The following ANKRD30B variants were observed in gnomAD, a reference collection of about 807,000 sequenced individuals.
The protein encoded by ANKRD30B is ankyrin repeat domain-containing protein 30B.
In ANKRD30B, 144 loss-of-function variants were observed where a neutral mutation model predicts 202.2. The observed-to-expected ratio is 0.71, with a 90% CI of 0.62 to 0.82. ANKRD30B has a LOEUF of 0.82. Ranked by LOEUF, ANKRD30B falls within the 40% of genes least tolerant of loss-of-function variation. The pLI is 0.00. For missense variants in ANKRD30B, 1,487 were observed against 1,669.1 expected, an observed-to-expected ratio of 0.89 and a Z score of 1.90; for synonymous variants, 508 against 561.3, an observed-to-expected ratio of 0.91 and a Z score of 1.34.
chr18:14,824,756 C>A lies in ANKRD30B; in HGVS notation c.2743+2079C>A, dbSNP rs117786455. ...CATTCTGGTCATGGTATAAACCAGA[C>A]ATTGGCAAACTTTTCTTGTAAAGTG... is the stretch of plus-strand genomic sequence containing the variant. On this transcript the variant is annotated intron_variant, in intron 32 of 43. Transcript: ENST00000690538. Among the ~76,000 whole-genome samples the A allele has an allele frequency of 4.6e-3, 702 of 152,350 alleles. 27 individuals carry two copies. The East Asian group carries it at 0.094, about 20-fold the overall frequency.
chr18:14,928,406 G>A, the ANKRD30B span, among the ~76,000 whole-genome samples: 11 of 152,154 alleles, frequency 7.2e-5, no homozygotes, highest in Admixed American at 5.2e-4. Flanking sequence ...GCCGAATGAC[G>A]AAGATTGCCT....
chr18:14,923,215 G>T, the ANKRD30B span, among the ~76,000 whole-genome samples: 2 of 152,210 alleles, frequency 1.3e-5, no homozygotes, highest in African/African-American at 4.8e-5. Flanking sequence ...TCAGGTCTCT[G>T]ATTTCAGGCC....
At chr18:14,921,872 G>A in the ANKRD30B span, among the ~76,000 whole-genome samples, 79,395 of 151,500 alleles carry the variant, frequency 0.52, 21,087 homozygotes, top group African/African-American at 0.6. Context: ...GTGGATAAGG[G>A]AAAAAGGGGA....
chr18:14,892,883 AC>A, the ANKRD30B span, among the ~76,000 whole-genome samples: 22 of 151,944 alleles, frequency 1.4e-4, no homozygotes, highest in African/African-American at 5.1e-4. Flanking sequence ...ACACCACAGC[AC>A]TCCAGTCAGG....
chr18:14,782,556 A>T lies in ANKRD30B; in HGVS notation c.1512A>T (p.Gln504His), dbSNP rs760611544. ...TCTTTGAGAGTTCTGCAAAGACTCA[A>T]GTGTGTATACCTGAGTCTATGTATC... ...GSLFESSAKT[Q>H]VCIPESMYQK... is the part of the protein sequence containing the mutation. Residue 504 changes from glutamine to histidine, a missense_variant, in exon 12 of 44, where the codon CAA becomes CAT. Transcript: ENST00000690538. 2 of 1,591,334 alleles carry T rather than the reference A, an allele frequency of 1.3e-6. No homozygotes were observed. The highest frequency in any genetic ancestry group is 1.7e-6 in the Non-Finnish European group (2 of 1,172,698).
At chr18:14,764,337 T>C (rs185261947) in intron 7 of ANKRD30B, among the ~76,000 whole-genome samples, 2 of 152,304 alleles carry the variant, frequency 1.3e-5, no homozygotes, top group Non-Finnish European at 2.9e-5. Flanking sequence ...GAACCAAAGT[T>C]GTTTTGGTAG....
At chr18:14,758,428 T>C (rs1378441108) in intron 5 of ANKRD30B, among the ~76,000 whole-genome samples, 1 of 152,190 alleles carries the variant, frequency 6.6e-6, no homozygotes, top group Non-Finnish European at 1.5e-5. Context: ...TGCTGCGCCG[T>C]TGCCATTGAA....
the ANKRD30B span, chr18:14,905,596 C>A: frequency 6.6e-6 from 1 of 152,320 alleles, no homozygotes; most frequent in South Asian, 2.1e-4. Flanking sequence ...TGGTCAATGT[C>A]TCTTTTCAGA....
At chr18:14,868,508 G>T in the ANKRD30B span, among the ~76,000 whole-genome samples, 1 of 152,408 alleles carries the variant, frequency 6.6e-6, no homozygotes, top group South Asian at 2.1e-4. Context: ...ATCCCCCCAT[G>T]TAAGATAAAG....
intron 30 of ANKRD30B, among the ~76,000 whole-genome samples, chr18:14,818,314 C>T (rs184790260): frequency 1.2e-4 from 18 of 151,900 alleles, no homozygotes; most frequent in Admixed American, 3.3e-4. Flanking sequence ...TATAAAAATT[C>T]TCTGGAAATT....
intron 16 of ANKRD30B, among the ~76,000 whole-genome samples, chr18:14,792,216 G>T (rs1039476127): frequency 1.3e-5 from 2 of 152,170 alleles, no homozygotes; most frequent in Non-Finnish European, 2.9e-5. Flanking sequence ...TGATGCTATT[G>T]CTGGTGGTCC....
At chr18:14,910,868 C>G in the ANKRD30B span, among the ~76,000 whole-genome samples, 1 of 152,118 alleles carries the variant, frequency 6.6e-6, no homozygotes, top group Non-Finnish European at 1.5e-5. Flanking sequence ...TTGCATTTCT[C>G]TAATGATTAG....
Position 14,774,385 on chromosome 18 carries a change from C to T in ANKRD30B, c.1329+2157C>T, listed in dbSNP as rs1366249058. On this transcript the variant is annotated intron_variant, in intron 9 of 43. Coordinates refer to ENST00000690538, the MANE Select transcript of ANKRD30B (RefSeq NM_001367607.2). ...TTCACCTTTTTAAAAATGATTTGCC[C>T]CAGACTTTTTTTCTCACAGAATACA... Among the ~76,000 whole-genome samples, 3 of 152,150 alleles carry T rather than the reference C, an allele frequency of 2.0e-5. No individual in the cohort carries two copies. The East Asian group carries it at 5.8e-4, about 29-fold the overall frequency.
chr18:14,848,412 C>T (rs1054330417), intron 39 of ANKRD30B, among the ~76,000 whole-genome samples: 5 of 152,082 alleles, frequency 3.3e-5, no homozygotes, highest in African/African-American at 1.2e-4. Context: ...GCCATACATT[C>T]CTCGGGGGAA....
chr18:14,893,501 C>T, the ANKRD30B span, among the ~76,000 whole-genome samples: 1,655 of 152,144 alleles, frequency 0.011, 12 homozygotes, highest in African/African-American at 0.038. Flanking sequence ...ATCCCAGTTA[C>T]TCGGGAGGCT....
At chr18:14,896,944 C>A in the ANKRD30B span, among the ~76,000 whole-genome samples, 1 of 147,748 alleles carries the variant, frequency 6.8e-6, no homozygotes. Context: ...ATGAGTGCTA[C>A]CTAGCAGTAT....
the ANKRD30B span, among the ~76,000 whole-genome samples, chr18:14,869,409 T>A: frequency 4.0e-5 from 6 of 151,584 alleles, no homozygotes; most frequent in Non-Finnish European, 7.4e-5. Flanking sequence ...TATGAAATAA[T>A]TCTGAAAAAT....
intron 33 of ANKRD30B, chr18:14,830,186 G>A (rs1407602222): frequency 1.3e-5 from 2 of 154,574 alleles, no homozygotes; most frequent in Admixed American, 1.3e-4. Flanking sequence ...AGATCTGGAA[G>A]TGGGAGACAC....
At position 14,803,826 on chromosome 18, in the gene ANKRD30B, T is replaced by C; in HGVS notation, c.2284+2T>C. The C allele has an allele frequency of 6.3e-7, 1 of 1,579,140 alleles. No homozygotes were observed. Among genetic ancestry groups the C allele is most frequent in the African/African-American group, 1.4e-5 (1 of 71,470 alleles). ...ATACCTTAAGTGGAAAATTAGAAGGTAAGAACCATATTTTATTTAAAAAGT... is the reference window on the plus strand; with the variant it reads ...ATACCTTAAGTGGAAAATTAGAAGGCAAGAACCATATTTTATTTAAAAAGT... On this transcript the variant is annotated splice_donor_variant, in intron 24 of 43. Transcript: ENST00000690538. LOFTEE classifies it high-confidence loss of function.
Sources: allele counts gnomAD v4.1 joint callset (sites outside exome capture counted in the v4.1 genomes callset), GRCh38; gene constraint gnomAD v4.1.1; transcripts MANE v1.5; gene names NCBI Gene and HGNC (gene_info 2026-07-23, HGNC 2026-07-21).